HECW1: variants seen among roughly 807,000 people sequenced by gnomAD.
The protein encoded by HECW1 is HECT, C2 and WW domain containing E3 ubiquitin protein ligase 1.
In HECW1, 61 loss-of-function variants were observed where a neutral mutation model predicts 182.3. That is an observed-to-expected ratio of 0.33 (90% CI 0.27 to 0.41). HECW1 has a LOEUF of 0.41. Among genes scored for constraint, HECW1 ranks in the 10% least tolerant of loss-of-function variants. The pLI is 1.00. For missense variants in HECW1, 1,739 were observed against 2,108.9 expected, an observed-to-expected ratio of 0.82 and a Z score of 3.44; for synonymous variants, 859 against 832.6, an observed-to-expected ratio of 1.03 and a Z score of -0.55.
intron 5 of HECW1, among the ~76,000 whole-genome samples, chr7:43,340,048 G>A (rs1812765374): frequency 6.6e-6 from 1 of 151,880 alleles, no homozygotes; most frequent in Admixed American, 6.6e-5. Flanking sequence ...AGGGGGTACA[G>A]GTTACCAGAA....
At chr7:43,259,432 A>G (rs988952212) in intron 3 of HECW1, among the ~76,000 whole-genome samples, 10 of 152,212 alleles carry the variant, frequency 6.6e-5, no homozygotes, top group African/African-American at 2.4e-4. Context: ...GTTATAAAAC[A>G]TGGAAAGAAG....
chr7:43,455,127 C>CT (rs139339162), intron 12 of HECW1, among the ~76,000 whole-genome samples: 22,615 of 151,346 alleles, frequency 0.15, 1,928 homozygotes, highest in South Asian at 0.24. Flanking sequence ...TTTTTGTTTT[C>CT]TTTTTTTTTG....
chr7:43,552,475 C>A (rs1188379904), intron 28 of HECW1, 139 bp downstream of exon 28: 2 of 650,970 alleles, frequency 3.1e-6, no homozygotes, highest in Admixed American at 4.5e-5. Flanking sequence ...AGTACATTCA[C>A]AGTTTTGTGC....
chr7:43,258,373 A>AT (rs549720374), intron 3 of HECW1, among the ~76,000 whole-genome samples: 497 of 148,998 alleles, frequency 3.3e-3, no homozygotes, highest in Middle Eastern at 6.9e-3. Context: ...AAATAAAAAA[A>AT]TAAAAAAAAA....
intron 6 of HECW1, among the ~76,000 whole-genome samples, chr7:43,377,091 G>T (rs1366509550): frequency 6.6e-6 from 1 of 152,064 alleles, no homozygotes; most frequent in Non-Finnish European, 1.5e-5. Flanking sequence ...AGAGGCATTC[G>T]GACAAGTCAG....
intron 11 of HECW1, among the ~76,000 whole-genome samples, chr7:43,446,624 A>T (rs1263136609): frequency 2.7e-5 from 4 of 150,856 alleles, no homozygotes; most frequent in Admixed American, 6.6e-5. Context: ...GTGCCTACAA[A>T]TTTTTTTTTT....
chr7:43,430,319 C>A (rs1175254861), intron 8 of HECW1, among the ~76,000 whole-genome samples: 1 of 152,164 alleles, frequency 6.6e-6, no homozygotes, highest in Non-Finnish European at 1.5e-5. Flanking sequence ...TTTACTCTGC[C>A]ACAGCCAGTA....
chr7:43,264,594 T>C (rs10244850), intron 3 of HECW1, among the ~76,000 whole-genome samples: 6,252 of 152,034 alleles, frequency 0.041, 346 homozygotes, highest in African/African-American at 0.13. Context: ...GCCTGTAATC[T>C]CAGCACTTTG....
rs112546948 is a variant in HECW1 at position 43,368,419 on chromosome 7, G to A, written c.555+7439G>A. ...ATATAGTGGCAGCTTATTCATAAAT[G>A]TGTCTCCTGCAAAAGTCCCTTCAGG... On this transcript the variant is annotated intron_variant, in intron 6 of 29. Transcript: ENST00000395891. Among the ~76,000 whole-genome samples the A allele has an allele frequency of 7.9e-3, 1,200 of 152,290 alleles. 13 individuals are homozygous for A. The highest frequency in any genetic ancestry group is 0.027 in the Middle Eastern group (8 of 294).
chr7:43,269,489 A>G (rs936961029), intron 3 of HECW1, among the ~76,000 whole-genome samples: 2 of 152,204 alleles, frequency 1.3e-5, no homozygotes, highest in African/African-American at 4.8e-5. Context: ...CTATTGTCGG[A>G]ACCAGAAAGA....
chr7:43,288,257 G>C (rs1804919406), intron 3 of HECW1, among the ~76,000 whole-genome samples: 1 of 152,202 alleles, frequency 6.6e-6, no homozygotes, highest in Non-Finnish European at 1.5e-5. Context: ...GTAGGTAGTA[G>C]AGTCACAGGA....
chr7:43,293,080 C>T (rs992597268), intron 3 of HECW1, among the ~76,000 whole-genome samples: 2 of 151,670 alleles, frequency 1.3e-5, no homozygotes, highest in Non-Finnish European at 2.9e-5. Context: ...ATTAGCCGGG[C>T]GTGGTGGAAG....
chr7:43,198,270 C>T (rs1008880714), intron 2 of HECW1, among the ~76,000 whole-genome samples: 2 of 149,282 alleles, frequency 1.3e-5, no homozygotes, highest in African/African-American at 5.0e-5. Flanking sequence ...CTCACACACA[C>T]CCCACACTCA....
At chr7:43,147,075 A>C (rs1788797462) in intron 2 of HECW1, among the ~76,000 whole-genome samples, 1 of 152,144 alleles carries the variant, frequency 6.6e-6, no homozygotes, top group South Asian at 2.1e-4. Context: ...TGTACTTTTA[A>C]CTTTTGTTGT....
At position 43,565,600 on chromosome 7, in the gene HECW1, AC is replaced by A; in HGVS notation, c.*3675del. 1 of 169,918 alleles carries A rather than the reference AC, an allele frequency of 5.9e-6. No individual in the cohort carries two copies. Among genetic ancestry groups the A allele is most frequent in the Non-Finnish European group, 1.3e-5 (1 of 79,066 alleles). The allele number at this position is 169,918 out of a possible 1,614,324, so 10.5% of individuals were successfully genotyped here. A position where few individuals can be genotyped will look rare whatever the true frequency, so the allele number is the denominator to read the frequency against. On this transcript the variant is annotated 3_prime_UTR_variant, in exon 30 of 30. Transcript: ENST00000395891. ...TATTATTTTTATTATTATTATTATT[AC>A]GTACTTCAGTGTTCATTATTAAAAC...
At chr7:43,403,140 A>G (rs867405881) in intron 7 of HECW1, among the ~76,000 whole-genome samples, 2 of 152,144 alleles carry the variant, frequency 1.3e-5, no homozygotes, top group Non-Finnish European at 2.9e-5. Context: ...TTGGCTGAGG[A>G]CCCCCTGTAA....
At chr7:43,517,873 G>A (rs985775921) in intron 24 of HECW1, among the ~76,000 whole-genome samples, 1 of 152,146 alleles carries the variant, frequency 6.6e-6, no homozygotes, top group Non-Finnish European at 1.5e-5. Flanking sequence ...TAGAATGTAC[G>A]GGATTGGTTG....
At chr7:43,175,097 TTC>T (rs1792090387) in intron 2 of HECW1, among the ~76,000 whole-genome samples, 1 of 152,154 alleles carries the variant, frequency 6.6e-6, no homozygotes, top group South Asian at 2.1e-4. Context: ...TATGAAATTT[TTC>T]TCTTTTTTTT....
At chr7:43,528,299 C>G (rs908480661) in intron 24 of HECW1, among the ~76,000 whole-genome samples, 6 of 152,064 alleles carry the variant, frequency 3.9e-5, no homozygotes, top group African/African-American at 1.2e-4. Flanking sequence ...TGGTAACATA[C>G]CTGGACACAT....
Sources: gnomAD v4.1 joint callset for allele counts (sites outside exome capture counted in the v4.1 genomes callset) on GRCh38, gnomAD v4.1.1 for gene constraint, MANE v1.5 for transcripts, NCBI Gene and HGNC (gene_info 2026-07-23, HGNC 2026-07-21) for gene names.